Variants in ZBTB20 observed in about 807,000 individuals in gnomAD.
ZBTB20 encodes the protein zinc finger and BTB domain containing 20.
Under a neutral mutation model 56.9 loss-of-function variants are expected in ZBTB20, and 9 were observed. The observed-to-expected ratio is 0.16, with a 90% CI of 0.10 to 0.28. The LOEUF is 0.28. Among genes scored for constraint, ZBTB20 ranks in the 10% least tolerant of loss-of-function variants. ZBTB20 has a pLI of 1.00. For missense variants in ZBTB20, 655 were observed against 1,003.0 expected, an observed-to-expected ratio of 0.65 and a Z score of 4.69; for synonymous variants, 417 against 420.7, an observed-to-expected ratio of 0.99 and a Z score of 0.11.
At position 114,590,220 on chromosome 3, in the gene ZBTB20, C is replaced by T. The variant is rs530144390; in HGVS notation, c.-294-89829G>A. On this transcript the variant is annotated intron_variant, in intron 6 of 11. Coordinates refer to ENST00000675478, the MANE Select transcript of ZBTB20 (RefSeq NM_001348800.3). ...TTGTAATCCCAGCATTTTGGGAGGG[C>T]GAGGCGGGCGGATCACCTGAGGTCA... is the stretch of plus-strand genomic sequence containing the variant. Among the ~76,000 whole-genome samples the T allele has an allele frequency of 1.1e-4, 16 of 152,078 alleles. No individual in the cohort carries two copies. In the South Asian group the frequency reaches 3.1e-3, roughly 30 times the overall value.
chr3:114,880,491 C>T (rs145602709), intron 4 of ZBTB20, among the ~76,000 whole-genome samples: 6 of 152,260 alleles, frequency 3.9e-5, no homozygotes, highest in Non-Finnish European at 8.8e-5. Context: ...CTGGGACAGA[C>T]ACAGCAATGT....
intron 1 of ZBTB20, among the ~76,000 whole-genome samples, chr3:115,138,210 T>C (rs1216137766): frequency 6.6e-6 from 1 of 152,022 alleles, no homozygotes; most frequent in Non-Finnish European, 1.5e-5. Flanking sequence ...TCCCAGAACT[T>C]TCAGTAATAC....
At chr3:114,430,953 T>C (rs1354538058) in intron 7 of ZBTB20, among the ~76,000 whole-genome samples, 3 of 152,196 alleles carry the variant, frequency 2.0e-5, no homozygotes, top group African/African-American at 2.4e-5. Context: ...TTCTCTCATA[T>C]ATGAAGGCCT....
At chr3:114,477,815 A>G (rs2040989526) in intron 7 of ZBTB20, among the ~76,000 whole-genome samples, 1 of 151,548 alleles carries the variant, frequency 6.6e-6, no homozygotes, top group Non-Finnish European at 1.5e-5. Flanking sequence ...ACTCTTTTGC[A>G]TAGACTTCAG....
At chr3:114,506,041 T>C (rs980042427) in intron 6 of ZBTB20, among the ~76,000 whole-genome samples, 3 of 152,080 alleles carry the variant, frequency 2.0e-5, no homozygotes, top group African/African-American at 7.2e-5. Flanking sequence ...TCTAGGTACT[T>C]TGGGGTTTCC....
intron 2 of ZBTB20, among the ~76,000 whole-genome samples, chr3:114,998,963 G>A (rs1301553718): frequency 1.5e-5 from 2 of 136,104 alleles, no homozygotes; most frequent in African/African-American, 2.7e-5. Context: ...TGGTATCATC[G>A]AAGTCAAGAG....
chr3:114,546,799 GT>G (rs767387317), intron 6 of ZBTB20, among the ~76,000 whole-genome samples: 11 of 152,108 alleles, frequency 7.2e-5, no homozygotes, highest in Non-Finnish European at 1.5e-4. Flanking sequence ...CAACACAAAA[GT>G]GTGTACACAC....
chr3:114,840,335 T>G (rs1241864243), intron 4 of ZBTB20, among the ~76,000 whole-genome samples: 1 of 152,248 alleles, frequency 6.6e-6, no homozygotes, highest in African/African-American at 2.4e-5. Context: ...AAAATCAACA[T>G]ACATTTTAGC....
intron 6 of ZBTB20, among the ~76,000 whole-genome samples, chr3:114,561,025 G>A (rs548199989): frequency 6.6e-6 from 1 of 152,268 alleles, no homozygotes; most frequent in South Asian, 2.1e-4. Context: ...TTTACCAGGA[G>A]TAGATTCCAT....
chr3:115,103,683 T>C (rs2083644532), intron 1 of ZBTB20, among the ~76,000 whole-genome samples: 1 of 152,194 alleles, frequency 6.6e-6, no homozygotes, highest in African/African-American at 2.4e-5. Flanking sequence ...GACTTTACAC[T>C]CTTCACATAA....
chr3:114,508,326 G>T (rs1361037150), intron 6 of ZBTB20, among the ~76,000 whole-genome samples: 1 of 152,136 alleles, frequency 6.6e-6, no homozygotes, highest in Non-Finnish European at 1.5e-5. Flanking sequence ...GAGCTCAGCA[G>T]AAGTGTCCAT....
At chr3:114,982,583 T>C (rs2078372691) in intron 2 of ZBTB20, among the ~76,000 whole-genome samples, 1 of 152,024 alleles carries the variant, frequency 6.6e-6, no homozygotes, top group South Asian at 2.1e-4. Context: ...TATAAATTCA[T>C]TCCATTTAAT....
intron 1 of ZBTB20, among the ~76,000 whole-genome samples, chr3:115,091,952 G>A (rs1281967403): frequency 6.6e-6 from 1 of 152,010 alleles, no homozygotes; most frequent in Non-Finnish European, 1.5e-5. Flanking sequence ...AAATTGCTGT[G>A]GGAATGTGAA....
chr3:114,320,086 T>C lies in ZBTB20; in HGVS notation c.*18919A>G, dbSNP rs1361979782. The C allele has an allele frequency of 6.6e-6, 1 of 152,182 alleles. No individual in the cohort carries two copies. Among genetic ancestry groups the C allele is most frequent in the African/African-American group, 2.4e-5 (1 of 41,434 alleles). The allele number at this position is 152,182 out of a possible 1,614,324, so 9.4% of individuals were successfully genotyped here. Reference sequence around the variant, plus strand: ...TCTCCATCCCCATTGAACTACCAGGTTCCTTTTATATTTTCAGCATTGTAG... The same window carrying C: ...TCTCCATCCCCATTGAACTACCAGGCTCCTTTTATATTTTCAGCATTGTAG... On this transcript the variant is annotated 3_prime_UTR_variant, in exon 12 of 12. Coordinates refer to ENST00000675478, the MANE Select transcript of ZBTB20 (RefSeq NM_001348800.3).
intron 5 of ZBTB20, among the ~76,000 whole-genome samples, chr3:114,736,579 CAGT>C (rs2066175324): frequency 6.6e-6 from 1 of 152,054 alleles, no homozygotes. Context: ...TGTTCTAACT[CAGT>C]GGTTTAAAAA....
intron 10 of ZBTB20, among the ~76,000 whole-genome samples, chr3:114,369,348 T>C (rs1000054789): frequency 3.3e-5 from 5 of 152,192 alleles, no homozygotes; most frequent in African/African-American, 7.2e-5. Flanking sequence ...AACTCATTTT[T>C]AGAATTGGAG....
chr3:114,795,551 C>T (rs559611011), intron 5 of ZBTB20, among the ~76,000 whole-genome samples: 31 of 152,132 alleles, frequency 2.0e-4, no homozygotes, highest in African/African-American at 4.3e-4. Context: ...TCCCATACTC[C>T]GTTCTCTACC....
chr3:115,086,749 T>C (rs1260857012), intron 1 of ZBTB20, among the ~76,000 whole-genome samples: 1 of 151,834 alleles, frequency 6.6e-6, no homozygotes, highest in Non-Finnish European at 1.5e-5. Context: ...AGAGGATCTG[T>C]AGTGCACTAG....
intron 3 of ZBTB20, among the ~76,000 whole-genome samples, chr3:114,973,471 TA>T (rs1445801570): frequency 6.6e-6 from 1 of 152,160 alleles, no homozygotes; most frequent in East Asian, 1.9e-4. Flanking sequence ...AAAAATGTTA[TA>T]AAGATTTGAT....
Sources: gnomAD v4.1 joint callset for allele counts (sites outside exome capture counted in the v4.1 genomes callset) on GRCh38, gnomAD v4.1.1 for gene constraint, MANE v1.5 for transcripts, NCBI Gene and HGNC (gene_info 2026-07-23, HGNC 2026-07-21) for gene names.